C20orf96: variants seen among roughly 807,000 people sequenced by gnomAD.
C20orf96 encodes the protein chromosome 20 open reading frame 96.
A neutral mutation model predicts 52.6 loss-of-function variants in C20orf96; 57 were observed. The observed-to-expected ratio is 1.08, with a 90% confidence interval of 0.88 to 1.35. C20orf96 has a LOEUF of 1.35. Among genes scored for constraint, C20orf96 ranks in the 40% most tolerant of loss-of-function variants. C20orf96 has a pLI of 0.00. For synonymous variants in C20orf96, 168 were observed against 157.2 expected (o/e 1.07, Z -0.51); for missense variants, 478 against 443.6 (o/e 1.08, Z -0.70).
intron 6 of C20orf96, 38 bp from the exon 7 acceptor site, chr20:277,421 C>T (rs2012068761): frequency 1.2e-6 from 2 of 1,607,292 alleles, no homozygotes; most frequent in Non-Finnish European, 8.5e-7. Flanking sequence ...GGACAGGAGG[C>T]AAGACCTTCC....
At chr20:286,635 A>T (rs913784138) in intron 3 of C20orf96, among the ~76,000 whole-genome samples, 3 of 152,084 alleles carry the variant, frequency 2.0e-5, no homozygotes, top group African/African-American at 7.2e-5. Flanking sequence ...AAGGAAACAG[A>T]GGTAGTCTAT....
At chr20:290,189 G>T in intron 2 of C20orf96, 70 bp downstream of exon 2, 1 of 1,231,050 alleles carries the variant, frequency 8.1e-7, no homozygotes. Context: ...TCACGACCGT[G>T]AGAGTGGAGA....
At chr20:282,651 A>G (rs1600189056) in intron 4 of C20orf96, among the ~76,000 whole-genome samples, 1 of 152,196 alleles carries the variant, frequency 6.6e-6, no homozygotes, top group African/African-American at 2.4e-5. Context: ...CGGGCAGATC[A>G]CCTAAGGTCA....
At chr20:284,722 T>G (rs2012338400) in intron 3 of C20orf96, among the ~76,000 whole-genome samples, 1 of 152,142 alleles carries the variant, frequency 6.6e-6, no homozygotes, top group Non-Finnish European at 1.5e-5. Flanking sequence ...ATGGACATGA[T>G]GATGGGCGCC....
chr20:278,561 G>A (rs73895210), intron 5 of C20orf96, 132 bp from the exon 6 acceptor site: 81,616 of 705,860 alleles, frequency 0.12, 6,045 homozygotes, highest in African/African-American at 0.3. Context: ...AATCGGGACA[G>A]TAACAGTGTC....
chr20:272,810 G>A (rs78365949), intron 10 of C20orf96, among the ~76,000 whole-genome samples: 5,095 of 152,170 alleles, frequency 0.033, 172 homozygotes, highest in African/African-American at 0.089. Context: ...CCCAAGTCAT[G>A]CAAGTCCTTC....
In C20orf96 at chr20:279,274, G is replaced by A. The variant is rs760513871; in HGVS notation, c.363C>T (p.Phe121=). 1.2e-6 allele frequency: 2 copies of A among 1,610,786 alleles called. No individual in the cohort carries two copies. Among genetic ancestry groups the A allele is most frequent in the Admixed American group, 3.3e-5 (2 of 59,942 alleles). The change falls in exon 5 of 11, where the codon TTC becomes TTT. Residue 121 remains phenylalanine (F), a synonymous_variant. Coordinates refer to ENST00000360321, the MANE Select transcript of C20orf96 (RefSeq NM_153269.3). ...TCAGCTCCCGGTTGAGCTTGCTGAGGAAGTTCTCACGGCTTCGGAGCTCTC... is the reference window on the plus strand; with the variant it reads ...TCAGCTCCCGGTTGAGCTTGCTGAGAAAGTTCTCACGGCTTCGGAGCTCTC... ...ALRELRSREN[F]LSKLNRELIE...
intron 10 of C20orf96, 144 bp from the exon 11 acceptor site, chr20:271,411 G>C (rs192586576): frequency 5.9e-5 from 36 of 611,296 alleles, no homozygotes; most frequent in African/African-American, 5.4e-4. Flanking sequence ...ATCTATCTGT[G>C]ACCTCAAAGC....
chr20:272,458 C>T (rs2011871251), intron 10 of C20orf96, among the ~76,000 whole-genome samples: 2 of 152,216 alleles, frequency 1.3e-5, no homozygotes, highest in Admixed American at 6.5e-5. Flanking sequence ...CCTGGAACTC[C>T]TCAATCGATC....
intron 4 of C20orf96, among the ~76,000 whole-genome samples, chr20:283,344 C>G (rs2012299096): frequency 6.6e-6 from 1 of 151,866 alleles, no homozygotes; most frequent in Admixed American, 6.6e-5. Flanking sequence ...CACTCTGTCT[C>G]CCAGGCTGGA....
At chr20:273,721 A>C (rs2011912116) in intron 10 of C20orf96, among the ~76,000 whole-genome samples, 1 of 151,902 alleles carries the variant, frequency 6.6e-6, no homozygotes, top group Non-Finnish European at 1.5e-5. Context: ...ACTAAAAAAC[A>C]TAAAAATTAG....
Position 277,064 on chromosome 20 carries a change from T to C in C20orf96, c.805A>G (p.Ile269Val), listed in dbSNP as rs763534240. Residue 269 changes from isoleucine to valine, a missense_variant, in exon 8 of 11, where the codon ATT becomes GTT. Coordinates refer to ENST00000360321, the MANE Select transcript of C20orf96 (RefSeq NM_153269.3). ...SDKIQKKKKK[I>V]LSSVVAETQR... Reference sequence around the variant, plus strand: ...CTCACCGCCACCACAGAACTCAGAATTTTTTTCTTCTTCTTCTGAATCTTG... The same window carrying C: ...CTCACCGCCACCACAGAACTCAGAACTTTTTTCTTCTTCTTCTGAATCTTG... 6.2e-7 allele frequency: 1 copy of C among 1,613,720 alleles called. No individual in the cohort carries two copies. Among genetic ancestry groups the C allele is most frequent in the Non-Finnish European group, 8.5e-7 (1 of 1,179,764 alleles).
intron 10 of C20orf96, among the ~76,000 whole-genome samples, chr20:272,512 C>T (rs1185625929): frequency 2.0e-5 from 3 of 152,192 alleles, no homozygotes; most frequent in African/African-American, 7.2e-5. Context: ...CGTGCCACCA[C>T]ATCTGGCTAA....
intron 4 of C20orf96, among the ~76,000 whole-genome samples, chr20:281,564 T>C (rs1175493255): frequency 6.6e-6 from 1 of 152,258 alleles, no homozygotes; most frequent in Non-Finnish European, 1.5e-5. Flanking sequence ...ACAGTAATCA[T>C]GCTGATGTGC....
chr20:271,786 AG>A (rs1181928716), intron 10 of C20orf96, among the ~76,000 whole-genome samples: 1 of 152,238 alleles, frequency 6.6e-6, no homozygotes, highest in Admixed American at 6.5e-5. Context: ...TTCTAACCTC[AG>A]TCATTGGTGG....
Position 277,205 on chromosome 20 carries a change from GA to G in C20orf96, c.723+20del. 1 of 1,614,022 alleles carries G rather than the reference GA, an allele frequency of 6.2e-7. No individual in the cohort carries two copies. The highest frequency in any genetic ancestry group is 8.5e-7 in the Non-Finnish European group (1 of 1,179,956). The stretch of plus-strand genomic sequence containing the variant: ...CTGCCTCCCACACAGTCTGGTGGGA[GA>G]GGGGCAGGGGCTCCCCTACCTGCTG... On this transcript the variant is annotated intron_variant, in intron 7 of 10. Transcript: ENST00000360321.
At chr20:274,820 TA>T (rs34798735) in intron 10 of C20orf96, among the ~76,000 whole-genome samples, 37,582 of 151,116 alleles carry the variant, frequency 0.25, 5,750 homozygotes, top group East Asian at 0.37. Flanking sequence ...TTTTTTTAAT[TA>T]AAAAAAAATT....
rs769438414 is a variant in C20orf96 at position 283,969 on chromosome 20, T to A, written c.300A>T (p.Leu100Phe). The A allele has an allele frequency of 1.4e-5, 23 of 1,611,410 alleles. No individual in the cohort carries two copies. The highest frequency in any genetic ancestry group is 1.8e-5 in the Non-Finnish European group (21 of 1,177,562). ...DPGKMHAKIW[L>F]MKTSLRSGRA... ...GGGAAGATGTGCCTCATACCTTCAT[T>A]AACCAGATTTTGGCATGCATCTTCC... Residue 100 changes from leucine to phenylalanine, a missense_variant, in exon 4 of 11, where the codon TTA becomes TTT. Physicochemically the swap from Leu to Phe is conservative, Grantham distance 22. Coordinates refer to ENST00000360321, the MANE Select transcript of C20orf96 (RefSeq NM_153269.3).
At chr20:279,414 GC>G in intron 4 of C20orf96, 84 bp from the exon 5 acceptor site, 1 of 1,414,284 alleles carries the variant, frequency 7.1e-7, no homozygotes, top group Non-Finnish European at 9.2e-7. Flanking sequence ...CGCCGCCCCG[GC>G]CCCGCCAGAC....
Sources: allele counts gnomAD v4.1 joint callset (sites outside exome capture counted in the v4.1 genomes callset), GRCh38; gene constraint gnomAD v4.1.1; transcripts MANE v1.5; gene names NCBI Gene and HGNC (gene_info 2026-07-23, HGNC 2026-07-21).